Variants in EHMT1 observed in about 807,000 individuals in gnomAD.
EHMT1 encodes the protein histone-lysine N-methyltransferase EHMT1.
Under a neutral mutation model 147.2 loss-of-function variants are expected in EHMT1, and 15 were observed. That is an observed-to-expected ratio of 0.10 (90% CI 0.07 to 0.16). The LOEUF is 0.16. Among genes scored for constraint, EHMT1 ranks in the 10% least tolerant of loss-of-function variants. The pLI, the probability that EHMT1 is intolerant of heterozygous loss-of-function variation, is 1.00. For missense variants in EHMT1, 1,587 were observed against 1,772.4 expected, an observed-to-expected ratio of 0.90 and a Z score of 1.88; for synonymous variants, 795 against 709.6, an observed-to-expected ratio of 1.12 and a Z score of -1.91.
intron 1 of EHMT1, among the ~76,000 whole-genome samples, chr9:137,687,253 G>A (rs547789139): frequency 6.6e-6 from 1 of 151,192 alleles, no homozygotes; most frequent in South Asian, 2.1e-4. Context: ...GAAAATGTGA[G>A]TCCTCCAGCT....
intron 6 of EHMT1, 109 bp from the exon 7 acceptor site, chr9:137,752,222 G>C: frequency 1.5e-6 from 2 of 1,316,626 alleles, no homozygotes; most frequent in Non-Finnish European, 1.1e-6. Flanking sequence ...CGGCGTGTGC[G>C]GCCAGTGCCC....
chr9:137,787,825 A>G lies in EHMT1; in HGVS notation c.2383-3023A>G. The G allele has an allele frequency of 1.0e-6, 1 of 954,906 alleles. No homozygotes were observed. The highest frequency in any genetic ancestry group is 1.3e-5 in the South Asian group (1 of 78,038). 59.2% of individuals were successfully genotyped at this position (954,906 alleles called of 1,614,324 possible). On this transcript the variant is annotated intron_variant, in intron 15 of 26. Transcript: ENST00000460843. This position sits in a 1 kb window ranked among gnomAD's most constrained non-coding sequence, Gnocchi z 4.2. ...CCTCAGGTTTCAGGGGCCACCCCCCAGTAGGCAGAGCTGGTTGACGGTGGA... is the reference window on the plus strand; with the variant it reads ...CCTCAGGTTTCAGGGGCCACCCCCCGGTAGGCAGAGCTGGTTGACGGTGGA...
intron 10 of EHMT1, among the ~76,000 whole-genome samples, chr9:137,774,514 T>G (rs1193504826): frequency 7.8e-6 from 1 of 127,612 alleles, no homozygotes; most frequent in African/African-American, 3.1e-5. Context: ...CCTGGCCCCC[T>G]GGATCTGGTG....
intron 1 of EHMT1, among the ~76,000 whole-genome samples, chr9:137,624,580 A>G (rs1173328096): frequency 6.6e-6 from 1 of 152,092 alleles, no homozygotes; most frequent in Non-Finnish European, 1.5e-5. Flanking sequence ...TCAGCCTCCC[A>G]AAGTGCTGGG....
At chr9:137,834,642 C>A in intron 26 of EHMT1, 118 bp downstream of exon 26, 1 of 1,592,992 alleles carries the variant, frequency 6.3e-7, no homozygotes, top group South Asian at 1.1e-5. Flanking sequence ...TCCTGTAGTT[C>A]TAAAAACTGC....
chr9:137,815,138 G>A (rs529146692), intron 22 of EHMT1, among the ~76,000 whole-genome samples: 25 of 152,248 alleles, frequency 1.6e-4, no homozygotes, highest in South Asian at 6.2e-4. Context: ...AAAGAGACGC[G>A]AGCAGGGAGA....
rs34704821 is a variant in EHMT1, at chr9:137,717,066, C to G, written c.526C>G (p.Pro176Ala). Reference protein sequence around the residue: ...SAFPQTPAAPPATLGEGSADT... With the variant: ...SAFPQTPAAPAATLGEGSADT... The stretch of plus-strand genomic sequence containing the variant: ...TTTTCCCCAGACGCCAGCCGCCCCA[C>G]CAGCCACCCTTGGGGAGGGGAGTGC... Residue 176 changes from proline (P) to alanine (A), a missense_variant, in exon 3 of 27, where the codon CCA (proline) becomes GCA (alanine). By Grantham distance (27) the Pro-to-Ala change is conservative. Transcript: ENST00000460843. The G allele has an allele frequency of 6.2e-6, 10 of 1,607,690 alleles. No homozygotes were observed. Among genetic ancestry groups the G allele is most frequent in the East Asian group, 4.5e-5 (2 of 44,752 alleles).
intron 1 of EHMT1, among the ~76,000 whole-genome samples, chr9:137,653,137 A>G (rs1299326561): frequency 2.6e-5 from 4 of 152,146 alleles, no homozygotes; most frequent in Non-Finnish European, 5.9e-5. Context: ...GCAACTTCCA[A>G]TTCCAGCCCT....
chr9:137,798,325 A>G lies in EHMT1; in HGVS notation c.2506-488A>G, dbSNP rs541612931. 3.9e-5 allele frequency among the ~76,000 whole-genome samples: 6 copies of G among 152,192 alleles called. No individual in the cohort carries two copies. In the East Asian group the frequency reaches 1.2e-3, roughly 29 times the overall value. On this transcript the variant is annotated intron_variant, in intron 16 of 26. Coordinates refer to ENST00000460843, the MANE Select transcript of EHMT1 (RefSeq NM_024757.5). ...GCTGAGGCAGGAGGATCACTTGAGC[A>G]TGGGAATCAGAGGCTGTGGTGAGCT...
intron 25 of EHMT1, among the ~76,000 whole-genome samples, chr9:137,829,602 CTGGAGTCAG>C (rs1376213738): frequency 1.3e-5 from 2 of 152,248 alleles, no homozygotes; most frequent in African/African-American, 4.8e-5. Flanking sequence ...GTTCGCCCCT[CTGGAGTCAG>C]CTGGGGCTGT....
At chr9:137,821,316 G>GC (rs1955401436) in intron 25 of EHMT1, among the ~76,000 whole-genome samples, 1 of 92,256 alleles carries the variant, frequency 1.1e-5, no homozygotes, top group Admixed American at 1.3e-4. Flanking sequence ...ACTGCGCCCG[G>GC]CCTTTTTTTT....
intron 1 of EHMT1, among the ~76,000 whole-genome samples, chr9:137,624,610 A>G (rs1246954700): frequency 3.3e-5 from 5 of 151,376 alleles, no homozygotes; most frequent in East Asian, 2.0e-4. Context: ...TTGAGCCACC[A>G]TGCCTGGACT....
At chr9:137,812,696 T>C (rs930217171) in intron 19 of EHMT1, among the ~76,000 whole-genome samples, 9 of 152,246 alleles carry the variant, frequency 5.9e-5, no homozygotes, top group Admixed American at 5.9e-4. Context: ...TCCCTTCTTA[T>C]CCTTGAGGGT....
chr9:137,669,166 C>T lies in EHMT1; in HGVS notation c.22-41801C>T, dbSNP rs576016374. ...CCTCTCAAAGTGCTGAGATTACAGG[C>T]GTGAGCCACTGTTCCCGGCCTAGAA... On this transcript the variant is annotated intron_variant, in intron 1 of 26. Coordinates refer to ENST00000460843, the MANE Select transcript of EHMT1 (RefSeq NM_024757.5). 1.2e-4 allele frequency among the ~76,000 whole-genome samples: 18 copies of T among 152,224 alleles called. No individual in the cohort carries two copies. In the East Asian group the frequency reaches 3.3e-3, roughly 28 times the overall value.
intron 1 of EHMT1, among the ~76,000 whole-genome samples, chr9:137,678,542 G>T (rs1359230693): frequency 6.6e-6 from 1 of 152,130 alleles, no homozygotes; most frequent in Non-Finnish European, 1.5e-5. Flanking sequence ...GTCTCGCCGC[G>T]TTGGGATAGC....
intron 22 of EHMT1, chr9:137,815,520 A>C (rs1470843885): frequency 3.5e-6 from 1 of 287,252 alleles, no homozygotes; most frequent in Non-Finnish European, 6.8e-6. Context: ...TAGAAAGGGG[A>C]GCAGAGGGCT....
At chr9:137,690,254 TACTC>T (rs1392669409) in intron 1 of EHMT1, among the ~76,000 whole-genome samples, 2 of 152,182 alleles carry the variant, frequency 1.3e-5, no homozygotes, top group African/African-American at 4.8e-5. Context: ...CAGGGTGACT[TACTC>T]TTGTGTATTT....
chr9:137,629,328 G>T (rs973331916), intron 1 of EHMT1, among the ~76,000 whole-genome samples: 2 of 151,642 alleles, frequency 1.3e-5, no homozygotes, highest in African/African-American at 4.9e-5. Flanking sequence ...GTGACCTCAG[G>T]TGATCTGCCT....
intron 18 of EHMT1, among the ~76,000 whole-genome samples, chr9:137,807,225 C>G (rs1954023354): frequency 6.6e-6 from 1 of 152,148 alleles, no homozygotes; most frequent in Admixed American, 6.5e-5. Context: ...CACTGGTGCT[C>G]TTTTCAATTT....
Sources: gnomAD v4.1 joint callset for allele counts (sites outside exome capture counted in the v4.1 genomes callset) on GRCh38, gnomAD v4.1.1 for gene constraint, Gnocchi (gnomAD v3.1) non-coding constraint, MANE v1.5 for transcripts, NCBI Gene and HGNC (gene_info 2026-07-23, HGNC 2026-07-21) for gene names.